Variants in BCAR3 observed in about 807,000 individuals in gnomAD.
BCAR3 encodes the protein breast cancer anti-estrogen resistance protein 3.
Under a neutral mutation model 80.1 loss-of-function variants are expected in BCAR3, and 37 were observed. The observed-to-expected ratio is 0.46, with a 90% CI of 0.36 to 0.61. The LOEUF is 0.61. BCAR3 is among the 20% of genes least tolerant of loss of function. BCAR3 has a pLI of 0.00. For synonymous variants in BCAR3, 389 were observed against 418.9 expected (o/e 0.93, Z 0.87); for missense variants, 978 against 1,068.2 (o/e 0.92, Z 1.18).
chr1:93,569,060 C>T (rs561435807), intron 9 of BCAR3, among the ~76,000 whole-genome samples: 46 of 152,344 alleles, frequency 3.0e-4, no homozygotes, highest in African/African-American at 9.9e-4. Context: ...CAGCAGCATA[C>T]ACCACTGACT....
intron 7 of BCAR3, 86 bp downstream of exon 7, chr1:93,582,215 C>A: frequency 6.7e-7 from 1 of 1,501,444 alleles, no homozygotes; most frequent in Non-Finnish European, 8.9e-7. Flanking sequence ...TCCTTCCAAA[C>A]CTACAAAAGC....
intron 2 of BCAR3, among the ~76,000 whole-genome samples, chr1:93,770,050 T>C (rs764430844): frequency 3.3e-5 from 5 of 152,102 alleles, no homozygotes; most frequent in African/African-American, 4.8e-5. Flanking sequence ...CAGTGATGGA[T>C]TGCACTGTCT....
rs1312655937 is a variant in BCAR3, at chr1:93,822,837, A to G, written c.-63+22730T>C. 6.3e-5 allele frequency among the ~76,000 whole-genome samples: 5 copies of G among 78,950 alleles called. 1 individual carries two copies. Among genetic ancestry groups the G allele is most frequent in the Non-Finnish European group, 1.7e-4 (5 of 29,998 alleles). 51.8% of individuals were successfully genotyped at this position (78,950 alleles called of 152,430 possible). A position where few individuals can be genotyped will look rare whatever the true frequency, so the allele number is the denominator to read the frequency against. ...CCTACCCATCAACTCATCACCACTCACTCTTGACTCACTGACTAATAGAGC... is the reference window on the plus strand; with the variant it reads ...CCTACCCATCAACTCATCACCACTCGCTCTTGACTCACTGACTAATAGAGC... On this transcript the variant is annotated intron_variant, in intron 2 of 13. Coordinates refer to the BCAR3 transcript ENST00000370244.
intron 2 of BCAR3, among the ~76,000 whole-genome samples, chr1:93,726,113 C>T (rs559045501): frequency 6.6e-6 from 1 of 152,164 alleles, no homozygotes; most frequent in South Asian, 2.1e-4. Context: ...GTTGCCCACG[C>T]TGGAGTGCAG....
chr1:93,584,116 T>C lies in BCAR3; in HGVS notation c.935A>G (p.Lys312Arg). Residue 312 changes from lysine (K) to arginine (R), a missense_variant, in exon 6 of 12, where the codon AAA becomes AGA. Transcript: ENST00000260502. ...NLPRGNLLRN[K>R]EKSGSQPACL... The stretch of plus-strand genomic sequence containing the variant: ...GGCGGGCTGGCTACCACTCTTTTCT[T>C]TGTTTCTGAAGTAAAAGACACATAG... 1 of 1,614,032 alleles carries C rather than the reference T, an allele frequency of 6.2e-7. No individual in the cohort carries two copies. The highest frequency in any genetic ancestry group is 1.1e-5 in the South Asian group (1 of 91,058).
At chr1:93,755,491 T>A (rs1436634880) in intron 2 of BCAR3, among the ~76,000 whole-genome samples, 1 of 152,208 alleles carries the variant, frequency 6.6e-6, no homozygotes, top group Non-Finnish European at 1.5e-5. Flanking sequence ...TGTTCAGACA[T>A]GTTTAGATAC....
chr1:93,809,922 C>T (rs188237996), intron 2 of BCAR3, among the ~76,000 whole-genome samples: 9 of 151,650 alleles, frequency 5.9e-5, no homozygotes, highest in Non-Finnish European at 1.3e-4. Context: ...AACTGCTGGC[C>T]CGATGCGGTG....
intron 3 of BCAR3, among the ~76,000 whole-genome samples, chr1:93,608,073 C>T (rs1674833112): frequency 6.6e-6 from 1 of 152,220 alleles, no homozygotes; most frequent in South Asian, 2.1e-4. Flanking sequence ...TTTTACTCAT[C>T]AGTCCTTTCT....
intron 2 of BCAR3, among the ~76,000 whole-genome samples, chr1:93,670,843 A>C (rs1557648124): frequency 6.6e-6 from 1 of 152,236 alleles, no homozygotes; most frequent in Non-Finnish European, 1.5e-5. Flanking sequence ...GGGATAATTA[A>C]TAATGGAGGA....
chr1:93,675,282 A>C (rs986502166), intron 1 of BCAR3, among the ~76,000 whole-genome samples: 4 of 152,260 alleles, frequency 2.6e-5, no homozygotes, highest in African/African-American at 7.2e-5. Context: ...TACGAAAGAA[A>C]ATATTATAAA....
At chr1:93,831,258 C>T (rs1654553761) in intron 2 of BCAR3, among the ~76,000 whole-genome samples, 1 of 152,132 alleles carries the variant, frequency 6.6e-6, no homozygotes, top group Non-Finnish European at 1.5e-5. Context: ...CTCTACCTTT[C>T]TCTTTAAACT....
At chr1:93,647,382 A>G (rs1676175620) in intron 2 of BCAR3, among the ~76,000 whole-genome samples, 1 of 152,192 alleles carries the variant, frequency 6.6e-6, no homozygotes, top group Admixed American at 6.5e-5. Context: ...TTCTAGGGGT[A>G]AAAAAGAGTT....
In BCAR3 at chr1:93,656,801, G is replaced by T. The variant is rs960611766; in HGVS notation, c.318-14458C>A. 2.0e-5 allele frequency among the ~76,000 whole-genome samples: 3 copies of T among 152,090 alleles called. 1 individual carries two copies. The South Asian group carries it at 6.2e-4, about 32-fold the overall frequency. ...TAATCTTTTGCAGAGACAGGGTCTC[G>T]CTATGTTGAGCCTCTTGCCTCAGCC... On this transcript the variant is annotated intron_variant, in intron 2 of 11. Transcript: ENST00000260502.
intron 2 of BCAR3, among the ~76,000 whole-genome samples, chr1:93,742,572 C>T (rs1651214364): frequency 6.6e-6 from 1 of 152,170 alleles, no homozygotes; most frequent in Non-Finnish European, 1.5e-5. Flanking sequence ...CCTGGGTCTG[C>T]TTAAAATGGG....
intron 3 of BCAR3, among the ~76,000 whole-genome samples, chr1:93,697,402 G>A (rs535179804): frequency 1.3e-5 from 2 of 152,338 alleles, no homozygotes; most frequent in East Asian, 1.9e-4. Flanking sequence ...CACCCAGGAC[G>A]CTGTTTATAA....
At chr1:93,596,778 C>G (rs965838017) in intron 3 of BCAR3, among the ~76,000 whole-genome samples, 2 of 152,112 alleles carry the variant, frequency 1.3e-5, no homozygotes, top group Non-Finnish European at 2.9e-5. Flanking sequence ...CCTTGTTTTT[C>G]TAGTGTTTTG....
At chr1:93,749,208 A>G (rs1160492024) in intron 2 of BCAR3, among the ~76,000 whole-genome samples, 1 of 152,118 alleles carries the variant, frequency 6.6e-6, no homozygotes, top group Non-Finnish European at 1.5e-5. Context: ...AGAGCCACTA[A>G]TGAAGAACAT....
intron 2 of BCAR3, among the ~76,000 whole-genome samples, chr1:93,825,012 G>A (rs1208303160): frequency 3.0e-5 from 4 of 133,446 alleles, no homozygotes; most frequent in African/African-American, 1.0e-4. Flanking sequence ...ACCCATCTGT[G>A]GCTCTCTGGT....
intron 2 of BCAR3, chr1:93,775,447 G>A (rs2100749041): frequency 6.6e-6 from 1 of 152,344 alleles, no homozygotes; most frequent in South Asian, 2.1e-4. Flanking sequence ...GAGTCACAGT[G>A]TGATGCGGAC....
Sources: gnomAD v4.1 joint callset for allele counts (sites outside exome capture counted in the v4.1 genomes callset) on GRCh38, gnomAD v4.1.1 for gene constraint, MANE v1.5 for transcripts, NCBI Gene and HGNC (gene_info 2026-07-23, HGNC 2026-07-21) for gene names.